The following GSE1 variants were observed in gnomAD, a reference collection of about 807,000 sequenced individuals.
GSE1 encodes the protein Gse1 coiled-coil protein, also known as genetic suppressor element 1.
A neutral mutation model predicts 112.6 loss-of-function variants in GSE1; 32 were observed. The ratio of observed to expected loss-of-function variants is 0.28; its 90% confidence interval spans 0.21 to 0.38. GSE1 has a LOEUF of 0.38. Among genes scored for constraint, GSE1 ranks in the 10% least tolerant of loss-of-function variants. GSE1 has a pLI of 1.00. For missense variants in GSE1, 2,348 were observed against 1,699.2 expected, an observed-to-expected ratio of 1.38 and a Z score of -6.71; for synonymous variants, 1,115 against 735.6, an observed-to-expected ratio of 1.52 and a Z score of -8.35.
At chr16:85,368,314 A>G (rs2047227835) in intron 2 of GSE1, among the ~76,000 whole-genome samples, 1 of 152,160 alleles carries the variant, frequency 6.6e-6, no homozygotes, top group Non-Finnish European at 1.5e-5. Flanking sequence ...TTGTGCTGGG[A>G]GAGTTCTGAA....
chr16:85,239,994 T>C (rs1452880894), intron 1 of GSE1, among the ~76,000 whole-genome samples: 1 of 152,182 alleles, frequency 6.6e-6, no homozygotes, highest in Non-Finnish European at 1.5e-5. Flanking sequence ...TCACTGTAAA[T>C]GTCTGTGGCC....
upstream of GSE1, among the ~76,000 whole-genome samples, chr16:85,610,047 G>A (rs2047896947): frequency 6.6e-6 from 1 of 152,234 alleles, no homozygotes; most frequent in Non-Finnish European, 1.5e-5. Flanking sequence ...GCACCTAGGT[G>A]TCACTGAAGC....
At chr16:85,651,054 TCCCCCTCCCCCTCC>T (rs2051302974) in intron 3 of GSE1, among the ~76,000 whole-genome samples, 1 of 31,848 alleles carries the variant, frequency 3.1e-5, no homozygotes, top group Non-Finnish European at 6.5e-5. Flanking sequence ...CCGCCCCTCC[TCCCCCTCCCCCTCC>T]GCCCCTCCTC....
At chr16:85,330,396 C>G (rs1233036426) in intron 1 of GSE1, among the ~76,000 whole-genome samples, 1 of 152,256 alleles carries the variant, frequency 6.6e-6, no homozygotes, top group Admixed American at 6.5e-5. Flanking sequence ...ACAGTCTCCC[C>G]TGGAGCCAGC....
intron 2 of GSE1, among the ~76,000 whole-genome samples, chr16:85,416,630 C>T (rs539328643): frequency 1.3e-5 from 2 of 152,232 alleles, no homozygotes; most frequent in Non-Finnish European, 2.9e-5. Flanking sequence ...TTCAGCAGCC[C>T]TGCAGGTTTC....
chr16:85,478,524 C>CA (rs112620422), intron 2 of GSE1, among the ~76,000 whole-genome samples: 6,174 of 113,290 alleles, frequency 0.054, 299 homozygotes, highest in African/African-American at 0.14. Flanking sequence ...GAAACTGTCT[C>CA]AAAAAAAAAA....
intron 2 of GSE1, among the ~76,000 whole-genome samples, chr16:85,488,024 T>C (rs916640593): frequency 6.6e-6 from 1 of 152,158 alleles, no homozygotes. Context: ...TGGAGGCTCC[T>C]AGCAGGACCA....
chr16:85,611,875 A>AAGGCGGGGG (rs2048007631), upstream of GSE1, among the ~76,000 whole-genome samples: 1 of 149,900 alleles, frequency 6.7e-6, no homozygotes, highest in Non-Finnish European at 1.5e-5. Context: ...GGGAGGGAGG[A>AAGGCGGGGG]AGGCGGGGGA....
At chr16:85,597,287 T>A (rs1240773943) in intron 1 of GSE1, among the ~76,000 whole-genome samples, 1 of 147,488 alleles carries the variant, frequency 6.8e-6, no homozygotes, top group African/African-American at 2.5e-5. Context: ...CCAGGAGAAT[T>A]GCTTTGAACC....
intron 2 of GSE1, among the ~76,000 whole-genome samples, chr16:85,511,443 G>A (rs1445727875): frequency 1.3e-5 from 2 of 151,462 alleles, no homozygotes; most frequent in Admixed American, 6.6e-5. Context: ...CAGGAGAATC[G>A]CTTGAACCCA....
chr16:85,654,668 T>TC, intron 4 of GSE1, 126 bp from the exon 5 acceptor site: 2 of 743,628 alleles, frequency 2.7e-6, no homozygotes, highest in South Asian at 3.3e-5. Context: ...CCGTCCTCGT[T>TC]CGGGGTGCCA....
intron 2 of GSE1, among the ~76,000 whole-genome samples, chr16:85,477,599 C>T (rs368807057): frequency 4.9e-5 from 7 of 143,120 alleles, no homozygotes; most frequent in East Asian, 2.0e-4. Flanking sequence ...CTCGCTCTGT[C>T]GCCCAGGCTG....
At chr16:85,493,289 C>T (rs992417782) in intron 2 of GSE1, among the ~76,000 whole-genome samples, 3 of 151,852 alleles carry the variant, frequency 2.0e-5, no homozygotes, top group African/African-American at 7.3e-5. Context: ...ATTTCTATAA[C>T]AAAATAATAT....
chr16:85,279,606 T>G (rs1174771648), intron 1 of GSE1, among the ~76,000 whole-genome samples: 10 of 151,856 alleles, frequency 6.6e-5, no homozygotes, highest in Admixed American at 6.6e-4. Context: ...AATCAATCAA[T>G]CAGTCAGTCA....
intron 2 of GSE1, among the ~76,000 whole-genome samples, chr16:85,647,653 C>T (rs1270788522): frequency 6.6e-6 from 1 of 152,156 alleles, no homozygotes; most frequent in Non-Finnish European, 1.5e-5. Flanking sequence ...GCAGCACGAT[C>T]TCTGCTCACC....
chr16:85,505,715 C>T (rs1031130227), intron 2 of GSE1, among the ~76,000 whole-genome samples: 4 of 152,132 alleles, frequency 2.6e-5, no homozygotes, highest in African/African-American at 9.7e-5. Flanking sequence ...CTCTGCCTCC[C>T]TGGAATTAAG....
intron 2 of GSE1, among the ~76,000 whole-genome samples, chr16:85,389,230 C>T (rs1014369548): frequency 3.9e-5 from 6 of 152,068 alleles, no homozygotes; most frequent in African/African-American, 1.4e-4. Context: ...GAGGCCAAGG[C>T]GGGTGGATCA....
rs566813947 is a variant in GSE1 at position 85,302,462 on chromosome 16, CCA to C, written c.2284-54991_2284-54990del. ...CACAGCACACCGCCCCCCCCCGCCC[CCA>C]CACACACACCGATAGTACTGCTATC... On this transcript the variant is annotated intron_variant, in intron 1 of 2. Transcript: ENST00000637419. 3.0e-4 allele frequency among the ~76,000 whole-genome samples: 45 copies of C among 152,114 alleles called. 1 individual carries two copies. In the South Asian group the frequency reaches 8.9e-3, roughly 30 times the overall value.
chr16:85,660,091 C>T (rs957506325), intron 8 of GSE1, among the ~76,000 whole-genome samples: 1 of 152,208 alleles, frequency 6.6e-6, no homozygotes, highest in African/African-American at 2.4e-5. Context: ...GCCAGCCTGC[C>T]CTGTGTCATG....
Sources: allele counts gnomAD v4.1 joint callset (sites outside exome capture counted in the v4.1 genomes callset), GRCh38; gene constraint gnomAD v4.1.1; transcripts MANE v1.5; gene names NCBI Gene and HGNC (gene_info 2026-07-23, HGNC 2026-07-21).